Variants in LINGO2 observed in about 807,000 individuals in gnomAD.
LINGO2 encodes leucine rich repeat and Ig domain containing 2, also known as leucine-rich repeat and immunoglobulin-like domain-containing nogo receptor-interacting protein 2.
A neutral mutation model predicts 30.6 loss-of-function variants in LINGO2; 14 were observed. That is an observed-to-expected ratio of 0.46 (90% CI 0.30 to 0.72). LINGO2 has a LOEUF of 0.72. Ranked by LOEUF, LINGO2 falls within the 30% of genes least tolerant of loss-of-function variation. LINGO2 has a pLI of 0.07. For missense variants in LINGO2, 729 were observed against 751.7 expected (o/e 0.97, Z 0.35); for synonymous variants, 317 against 288.5 (o/e 1.10, Z -1.00).
the LINGO2 span, among the ~76,000 whole-genome samples, chr9:28,709,236 T>C: frequency 6.6e-6 from 1 of 152,098 alleles, no homozygotes; most frequent in African/African-American, 2.4e-5. Context: ...TGTTTTGTTT[T>C]TTAACTCTCA....
At chr9:28,710,776 TG>T in the LINGO2 span, among the ~76,000 whole-genome samples, 1 of 152,150 alleles carries the variant, frequency 6.6e-6, no homozygotes, top group South Asian at 2.1e-4. Flanking sequence ...TTACATGAGT[TG>T]AATAATATAT....
chr9:28,934,984 T>A, the LINGO2 span, among the ~76,000 whole-genome samples: 10 of 152,166 alleles, frequency 6.6e-5, no homozygotes, highest in Non-Finnish European at 1.0e-4. Flanking sequence ...AGAATTATAC[T>A]ATGGCTTGAT....
chr9:28,553,022 C>T (rs561856811), intron 1 of LINGO2, among the ~76,000 whole-genome samples: 5 of 151,972 alleles, frequency 3.3e-5, no homozygotes, highest in South Asian at 2.1e-4. Context: ...TTGTTTTAGT[C>T]TCTTTGGTAT....
the LINGO2 span, among the ~76,000 whole-genome samples, chr9:28,993,958 A>T: frequency 6.6e-6 from 1 of 151,284 alleles, no homozygotes; most frequent in Admixed American, 6.6e-5. Context: ...AAAGTGGCAC[A>T]AGACAGGGAT....
At chr9:27,994,709 A>G (rs953797859) in intron 5 of LINGO2, among the ~76,000 whole-genome samples, 3 of 152,178 alleles carry the variant, frequency 2.0e-5, no homozygotes, top group Admixed American at 6.6e-5. Context: ...TGGCCCACGC[A>G]TGTGCACCAA....
At chr9:28,301,820 G>A (rs1824156944) in intron 3 of LINGO2, among the ~76,000 whole-genome samples, 1 of 152,064 alleles carries the variant, frequency 6.6e-6, no homozygotes, top group Non-Finnish European at 1.5e-5. Flanking sequence ...GTTAAAGGCA[G>A]CTAGAAAGAA....
intron 1 of LINGO2, among the ~76,000 whole-genome samples, chr9:28,538,292 T>TC (rs1821520327): frequency 6.6e-6 from 1 of 151,908 alleles, no homozygotes; most frequent in Non-Finnish European, 1.5e-5. Flanking sequence ...CTATAAAAAG[T>TC]ATTGATAATG....
intron 1 of LINGO2, among the ~76,000 whole-genome samples, chr9:28,668,540 C>T (rs568608555): frequency 1.3e-5 from 2 of 151,354 alleles, no homozygotes; most frequent in East Asian, 2.0e-4. Context: ...GTTTCACTTT[C>T]AGCTGATAAA....
At chr9:28,721,902 T>C in the LINGO2 span, among the ~76,000 whole-genome samples, 9 of 152,076 alleles carry the variant, frequency 5.9e-5, no homozygotes, top group Admixed American at 3.9e-4. Flanking sequence ...ATAGCCAAAA[T>C]TTGTTCATTA....
At chr9:28,873,891 A>C in the LINGO2 span, among the ~76,000 whole-genome samples, 1 of 151,830 alleles carries the variant, frequency 6.6e-6, no homozygotes, top group African/African-American at 2.4e-5. Context: ...AAATATATAT[A>C]TATAGCTGAA....
intron 1 of LINGO2, among the ~76,000 whole-genome samples, chr9:28,561,189 C>T (rs1317069140): frequency 6.6e-6 from 1 of 152,054 alleles, no homozygotes; most frequent in South Asian, 2.1e-4. Context: ...ATGCACTCTG[C>T]CACACTCCTT....
chr9:28,982,372 A>G, the LINGO2 span, among the ~76,000 whole-genome samples: 10 of 152,068 alleles, frequency 6.6e-5, no homozygotes, highest in Non-Finnish European at 1.5e-5. Context: ...GAGAATACCC[A>G]CATTCCTATT....
chr9:29,095,445 A>G, the LINGO2 span, among the ~76,000 whole-genome samples: 1 of 138,000 alleles, frequency 7.2e-6, no homozygotes, highest in African/African-American at 2.7e-5. Flanking sequence ...AATAATAATA[A>G]TAATAAACAC....
At chr9:28,025,820 C>G (rs10491826) in intron 4 of LINGO2, among the ~76,000 whole-genome samples, 9,864 of 152,242 alleles carry the variant, frequency 0.065, 409 homozygotes, top group Non-Finnish European at 0.094. Flanking sequence ...GGTGCCACTG[C>G]TGAGGATGGC....
At chr9:29,065,459 C>T in the LINGO2 span, among the ~76,000 whole-genome samples, 1,928 of 152,008 alleles carry the variant, frequency 0.013, 37 homozygotes, top group African/African-American at 0.042. Context: ...GTGAAAGGAA[C>T]GGGTCCAGTT....
chr9:29,037,522 C>T, the LINGO2 span, among the ~76,000 whole-genome samples: 18 of 151,996 alleles, frequency 1.2e-4, no homozygotes, highest in East Asian at 1.9e-4. Context: ...CATTGATCAG[C>T]GATGCCACAC....
chr9:28,047,075 A>C (rs900508569), intron 4 of LINGO2, among the ~76,000 whole-genome samples: 16 of 152,076 alleles, frequency 1.1e-4, no homozygotes, highest in Non-Finnish European at 1.6e-4. Flanking sequence ...CAATCCCCAT[A>C]AGCAGACAGT....
At chr9:28,376,418 T>C (rs1821134778) in intron 2 of LINGO2, among the ~76,000 whole-genome samples, 1 of 152,144 alleles carries the variant, frequency 6.6e-6, no homozygotes, top group Non-Finnish European at 1.5e-5. Context: ...TCAGATGGGA[T>C]AAATATATTA....
chr9:28,708,827 A>T, the LINGO2 span, among the ~76,000 whole-genome samples: 4 of 142,054 alleles, frequency 2.8e-5, no homozygotes, highest in Admixed American at 7.3e-5. Flanking sequence ...TCTATCCATC[A>T]TCTATCTATC....
Sources: allele counts gnomAD v4.1 joint callset (sites outside exome capture counted in the v4.1 genomes callset), GRCh38; gene constraint gnomAD v4.1.1; transcripts MANE v1.5; gene names NCBI Gene and HGNC (gene_info 2026-07-23, HGNC 2026-07-21).